PHF20: variants seen among roughly 807,000 people sequenced by gnomAD.
PHF20 encodes the protein glioma-expressed antigen 2.
Under a neutral mutation model 113.5 loss-of-function variants are expected in PHF20, and 23 were observed. That is an observed-to-expected ratio of 0.20 (90% confidence interval 0.15 to 0.29). The LOEUF (loss-of-function observed/expected upper bound fraction) is 0.29, where lower values mean the gene tolerates loss of function less well. PHF20 is among the 10% of genes least tolerant of loss of function. PHF20 has a pLI of 1.00. For missense variants in PHF20, 943 were observed against 1,219.6 expected (o/e 0.77, Z 3.38); for synonymous variants, 434 against 457.3 (o/e 0.95, Z 0.65).
At chr20:35,823,332 G>A (rs1438116121) in intron 2 of PHF20, among the ~76,000 whole-genome samples, 2 of 150,844 alleles carry the variant, frequency 1.3e-5, no homozygotes, top group Admixed American at 1.3e-4. Flanking sequence ...CGGGAATGGT[G>A]ACTCATGCCT....
At chr20:35,805,685 G>A (rs2041867103) in intron 2 of PHF20, among the ~76,000 whole-genome samples, 1 of 151,912 alleles carries the variant, frequency 6.6e-6, no homozygotes, top group South Asian at 2.1e-4. Flanking sequence ...TCACTATGTT[G>A]CCAAGGCTGA....
intron 9 of PHF20, among the ~76,000 whole-genome samples, chr20:35,896,852 T>C (rs1472024591): frequency 2.6e-5 from 4 of 151,680 alleles, no homozygotes; most frequent in Admixed American, 6.6e-5. Context: ...TTGTCATTGG[T>C]GCCTGACCGA....
At chr20:35,834,247 G>GTT (rs769738682) in intron 2 of PHF20, among the ~76,000 whole-genome samples, 243 of 111,022 alleles carry the variant, frequency 2.2e-3, no homozygotes, top group Non-Finnish European at 2.5e-3. Context: ...TACAGCTATG[G>GTT]TTTTTTTTTT....
At chr20:35,879,410 G>T (rs770209897) in intron 9 of PHF20, among the ~76,000 whole-genome samples, 1 of 152,098 alleles carries the variant, frequency 6.6e-6, no homozygotes, top group Non-Finnish European at 1.5e-5. Flanking sequence ...AATAATTTTT[G>T]AATGTCATCT....
intron 13 of PHF20, among the ~76,000 whole-genome samples, chr20:35,924,175 T>A (rs2055573866): frequency 6.7e-6 from 1 of 149,534 alleles, no homozygotes; most frequent in African/African-American, 2.5e-5. Flanking sequence ...GTATAGTATT[T>A]TCTTTTCTTT....
intron 10 of PHF20, among the ~76,000 whole-genome samples, chr20:35,911,719 T>C (rs556692163): frequency 6.6e-6 from 1 of 151,408 alleles, no homozygotes; most frequent in South Asian, 2.1e-4. Context: ...AGTGCAATGG[T>C]GCGATCTGGG....
intron 9 of PHF20, among the ~76,000 whole-genome samples, chr20:35,896,656 C>T (rs2054990569): frequency 6.7e-6 from 1 of 149,004 alleles, no homozygotes; most frequent in Admixed American, 6.7e-5. Flanking sequence ...AAAAAAAAAA[C>T]TGGACGTGGT....
intron 5 of PHF20, among the ~76,000 whole-genome samples, chr20:35,862,740 AAAAC>A (rs1209555292): frequency 1.3e-5 from 2 of 151,258 alleles, no homozygotes; most frequent in African/African-American, 4.9e-5. Context: ...CTCAGAAACA[AAAAC>A]AAACAAAAAC....
At chr20:35,817,596 C>T (rs1333437571) in intron 2 of PHF20, among the ~76,000 whole-genome samples, 2 of 151,846 alleles carry the variant, frequency 1.3e-5, no homozygotes, top group Admixed American at 6.6e-5. Context: ...AGGAGTTCAA[C>T]GACAGCTGGG....
chr20:35,897,465 C>G (rs2055007143), intron 9 of PHF20, among the ~76,000 whole-genome samples: 1 of 150,908 alleles, frequency 6.6e-6, no homozygotes, highest in African/African-American at 2.4e-5. Flanking sequence ...ATCTGCTTTT[C>G]TAGCTATTTG....
At chr20:35,814,626 C>G in intron 2 of PHF20, among the ~76,000 whole-genome samples, 2 of 150,636 alleles carry the variant, frequency 1.3e-5, no homozygotes. Context: ...GTAATCCCAG[C>G]ACTTTGGGAG....
At chr20:35,919,016 G>GTT (rs200032177) in intron 13 of PHF20, among the ~76,000 whole-genome samples, 1 of 149,714 alleles carries the variant, frequency 6.7e-6, no homozygotes, top group African/African-American at 2.5e-5. Context: ...CATGGGTTTG[G>GTT]TTTTTTTTTT....
intron 4 of PHF20, among the ~76,000 whole-genome samples, chr20:35,857,192 T>G (rs1198472007): frequency 1.3e-5 from 2 of 152,198 alleles, no homozygotes; most frequent in Non-Finnish European, 2.9e-5. Flanking sequence ...TTAATTGTGA[T>G]TATTTTAAAT....
chr20:35,772,229 C>T (rs912804111), intron 1 of PHF20, 150 bp downstream of exon 1: 25 of 151,754 alleles, frequency 1.6e-4, no homozygotes, highest in African/African-American at 5.8e-4. Flanking sequence ...CCCGCTCGCC[C>T]AGCCTGGAGG....
intron 15 of PHF20, among the ~76,000 whole-genome samples, chr20:35,932,213 G>T (rs949036959): frequency 4.0e-5 from 6 of 151,022 alleles, no homozygotes; most frequent in African/African-American, 7.3e-5. Flanking sequence ...GACTACAGGC[G>T]CATGCCACCA....
chr20:35,847,287 T>C, intron 3 of PHF20, 63 bp from the exon 4 acceptor site: 2 of 1,074,704 alleles, frequency 1.9e-6, no homozygotes, highest in East Asian at 2.4e-5. Flanking sequence ...ATCTGGTATG[T>C]CCTGTATGTC....
chr20:35,877,271 C>T (rs2054545071), intron 9 of PHF20, among the ~76,000 whole-genome samples: 1 of 109,788 alleles, frequency 9.1e-6, no homozygotes, highest in Non-Finnish European at 1.7e-5. Context: ...GCCTGAGAGA[C>T]TCCATCTCAA....
At chr20:35,864,600 G>T (rs1400423897) in intron 6 of PHF20, among the ~76,000 whole-genome samples, 1 of 152,166 alleles carries the variant, frequency 6.6e-6, no homozygotes, top group African/African-American at 2.4e-5. Context: ...TCACATAAGT[G>T]TATTAGTACT....
At chr20:35,799,039 T>C (rs1364745348) in intron 1 of PHF20, among the ~76,000 whole-genome samples, 1 of 152,116 alleles carries the variant, frequency 6.6e-6, no homozygotes, top group Non-Finnish European at 1.5e-5. Context: ...ACATTAGACA[T>C]GTACTCACTT....
Sources: allele counts gnomAD v4.1 joint callset (sites outside exome capture counted in the v4.1 genomes callset), GRCh38; gene constraint gnomAD v4.1.1; transcripts MANE v1.5; gene names NCBI Gene and HGNC (gene_info 2026-07-23, HGNC 2026-07-21).